Variants in NUDT21 observed in about 807,000 individuals in gnomAD.
NUDT21 encodes cleavage and polyadenylation specificity factor subunit 5.
In NUDT21, 5 loss-of-function variants were observed where a neutral mutation model predicts 29.8. The ratio of observed to expected loss-of-function variants is 0.17; its 90% CI spans 0.09 to 0.35. The LOEUF (loss-of-function observed/expected upper bound fraction) is 0.35. Among genes scored for constraint, NUDT21 ranks in the 10% least tolerant of loss-of-function variants. The pLI is 1.00. For missense variants in NUDT21, 76 were observed against 276.0 expected (o/e 0.28, Z 5.13); for synonymous variants, 113 against 98.5 (o/e 1.15, Z -0.87).
rs1337460328 is a variant in NUDT21, at chr16:56,431,639, C to T, written c.*1073G>A. On this transcript the variant is annotated 3_prime_UTR_variant, in exon 7 of 7. Coordinates refer to ENST00000300291, the MANE Select transcript of NUDT21 (RefSeq NM_007006.3). Reference sequence around the variant, plus strand: ...TCTGTAATAAGGCATACATGCTATACTTTGATCATTAAATAATGACACAAC... The same window carrying T: ...TCTGTAATAAGGCATACATGCTATATTTTGATCATTAAATAATGACACAAC... 1 of 152,152 alleles carries T rather than the reference C, an allele frequency of 6.6e-6. No individual in the cohort carries two copies. The highest frequency in any genetic ancestry group is 2.4e-5 in the African/African-American group (1 of 41,416). 9.4% of individuals were successfully genotyped at this position (152,152 alleles called of 1,614,324 possible). A position where few individuals can be genotyped will look rare whatever the true frequency, so the allele number is the denominator to read the frequency against.
At chr16:56,437,264 T>G (rs1348394469) in intron 4 of NUDT21, among the ~76,000 whole-genome samples, 1 of 152,194 alleles carries the variant, frequency 6.6e-6, no homozygotes, top group Non-Finnish European at 1.5e-5. Context: ...CATCTTGTCA[T>G]GTAAAGGAGC....
intron 1 of NUDT21, chr16:56,449,399 C>T (rs1251550529): frequency 6.6e-6 from 1 of 152,134 alleles, no homozygotes; most frequent in African/African-American, 2.4e-5. Context: ...GTGCCTGGTA[C>T]AAAGTAGGCA....
intron 3 of NUDT21, 26 bp from the exon 4 acceptor site, chr16:56,439,772 A>G (rs1962140543): frequency 6.4e-7 from 1 of 1,550,660 alleles, no homozygotes; most frequent in Non-Finnish European, 8.9e-7. Flanking sequence ...AAGCCAGTAA[A>G]CAACTAAATA....
chr16:56,435,068 T>C, intron 4 of NUDT21: 1 of 320,782 alleles, frequency 3.1e-6, no homozygotes, highest in Non-Finnish European at 5.6e-6. Context: ...TAGCTTGAGA[T>C]ACTTAAAACA....
chr16:56,443,000 T>G (rs1224792143), intron 3 of NUDT21, among the ~76,000 whole-genome samples: 4 of 152,152 alleles, frequency 2.6e-5, no homozygotes, highest in Non-Finnish European at 4.4e-5. Context: ...ATCATAGTTT[T>G]GTCAATGGTT....
At chr16:56,450,956 C>T in intron 1 of NUDT21, 131 bp downstream of exon 1, 1 of 692,114 alleles carries the variant, frequency 1.4e-6, no homozygotes, top group Non-Finnish European at 2.5e-6. Context: ...GAGGAAGGCG[C>T]GCATCCGCCA....
chr16:56,434,062 T>C (rs1383945275), intron 6 of NUDT21, among the ~76,000 whole-genome samples: 1 of 152,234 alleles, frequency 6.6e-6, no homozygotes, highest in African/African-American at 2.4e-5. Context: ...ATCTCTTTTT[T>C]GAATAAAGAC....
chr16:56,446,730 A>G, intron 2 of NUDT21, 41 bp from the exon 3 acceptor site: 1 of 1,224,052 alleles, frequency 8.2e-7, no homozygotes, highest in Non-Finnish European at 1.2e-6. Flanking sequence ...ACTTAATACA[A>G]TTTGGAGATA....
chr16:56,435,192 C>T (rs1009923517), intron 4 of NUDT21: 10 of 158,710 alleles, frequency 6.3e-5, no homozygotes, highest in Non-Finnish European at 1.2e-4. Context: ...GGCGCAATCT[C>T]GGCTCACCAC....
intron 4 of NUDT21, among the ~76,000 whole-genome samples, chr16:56,438,045 A>G (rs1962123808): frequency 6.6e-6 from 1 of 152,214 alleles, no homozygotes; most frequent in Non-Finnish European, 1.5e-5. Flanking sequence ...TAAATTCCTG[A>G]TGGAAGTACA....
In NUDT21 at chr16:56,442,645, C is replaced by T. The variant is rs1001794402; in HGVS notation, c.382-2899G>A. On this transcript the variant is annotated intron_variant, in intron 3 of 6. Coordinates refer to ENST00000300291, the MANE Select transcript of NUDT21 (RefSeq NM_007006.3). ...GATCTTTAAACATTCACTATAGAGGCAAGGCCAGTAGGTCTTCTCAATCTC... is the reference window on the plus strand; with the variant it reads ...GATCTTTAAACATTCACTATAGAGGTAAGGCCAGTAGGTCTTCTCAATCTC... Among the ~76,000 whole-genome samples the T allele has an allele frequency of 2.6e-5, 4 of 152,196 alleles. No homozygotes were observed. The South Asian group carries it at 8.3e-4, about 32-fold the overall frequency.
At chr16:56,440,009 A>G (rs537509180) in intron 3 of NUDT21, among the ~76,000 whole-genome samples, 148 of 152,358 alleles carry the variant, frequency 9.7e-4, no homozygotes, top group African/African-American at 3.2e-3. Flanking sequence ...ATAGCAGAAC[A>G]CTAAACTTAT....
chr16:56,449,782 A>T (rs552912483), intron 1 of NUDT21, among the ~76,000 whole-genome samples: 1 of 152,272 alleles, frequency 6.6e-6, no homozygotes, highest in East Asian at 1.9e-4. Context: ...ATTTTTTCTT[A>T]ATTTTTAAAA....
intron 1 of NUDT21, among the ~76,000 whole-genome samples, chr16:56,449,691 T>G (rs1962259122): frequency 6.6e-6 from 1 of 152,356 alleles, no homozygotes; most frequent in East Asian, 1.9e-4. Context: ...GGGTTTTAGT[T>G]CTAATAACCA....
At position 56,432,308 on chromosome 16, in the gene NUDT21, T is replaced by C; in HGVS notation, c.*404A>G. On this transcript the variant is annotated 3_prime_UTR_variant, in exon 7 of 7. Transcript: ENST00000300291. ...AAAAATCTAATACAATCTTGGAGTA[T>C]GTGCCCAAGAATGGTATCAAAGCAA... 6.2e-6 allele frequency: 1 copy of C among 160,596 alleles called. No individual in the cohort carries two copies. The highest frequency in any genetic ancestry group is 1.4e-5 in the Non-Finnish European group (1 of 73,422). The allele number at this position is 160,596 out of a possible 1,614,324, so 9.9% of individuals were successfully genotyped here.
intron 6 of NUDT21, among the ~76,000 whole-genome samples, chr16:56,433,603 T>C (rs1323140152): frequency 6.6e-6 from 1 of 152,164 alleles, no homozygotes; most frequent in African/African-American, 2.4e-5. Context: ...CAGGACCTAA[T>C]CCCACAAGCC....
In NUDT21 at chr16:56,429,362, T is replaced by C. The variant is rs1346336386; in HGVS notation, c.*3350A>G. 1.3e-5 allele frequency: 2 copies of C among 152,212 alleles called. No individual in the cohort carries two copies. The highest frequency in any genetic ancestry group is 6.5e-5 in the Admixed American group (1 of 15,282). The allele number at this position is 152,212 out of a possible 1,614,324, so 9.4% of individuals were successfully genotyped here. On this transcript the variant is annotated 3_prime_UTR_variant, in exon 7 of 7. Transcript: ENST00000300291. ...AGTTTAAATTTCTAAATACATGACC[T>C]TTCCCTCAACAGAACAGCATAATCA...
intron 3 of NUDT21, among the ~76,000 whole-genome samples, chr16:56,443,915 C>T (rs1457993107): frequency 6.6e-6 from 1 of 152,166 alleles, no homozygotes; most frequent in Non-Finnish European, 1.5e-5. Context: ...GAAGACAGCT[C>T]CCAAATGGCA....
intron 3 of NUDT21, among the ~76,000 whole-genome samples, chr16:56,443,642 T>C (rs1263323755): frequency 6.6e-6 from 1 of 152,176 alleles, no homozygotes; most frequent in African/African-American, 2.4e-5. Context: ...AATAGTTTAA[T>C]ACCCTTCCTC....
Sources: gnomAD v4.1 joint callset for allele counts (sites outside exome capture counted in the v4.1 genomes callset) on GRCh38, gnomAD v4.1.1 for gene constraint, MANE v1.5 for transcripts, NCBI Gene and HGNC (gene_info 2026-07-23, HGNC 2026-07-21) for gene names.